The following CUL4A variants were observed in gnomAD, a reference collection of about 807,000 sequenced individuals.
CUL4A encodes the protein cullin 4A, also known as cullin-4A.
A neutral mutation model predicts 95.5 loss-of-function variants in CUL4A; 16 were observed. That is an observed-to-expected ratio of 0.17 (90% CI 0.11 to 0.25). The LOEUF (loss-of-function observed/expected upper bound fraction) is 0.25. CUL4A is among the 10% of genes least tolerant of loss of function. The pLI is 1.00. For synonymous variants in CUL4A, 380 were observed against 353.1 expected (o/e 1.08, Z -0.85); for missense variants, 610 against 937.0 (o/e 0.65, Z 4.56).
upstream of CUL4A, chr13:113,208,572 G>T: frequency 6.2e-7 from 1 of 1,605,154 alleles, no homozygotes; most frequent in South Asian, 1.1e-5. Flanking sequence ...CAACCACGCC[G>T]CCGCGCGCTC....
chr13:113,232,420 A>G (rs1055465163), intron 5 of CUL4A, among the ~76,000 whole-genome samples: 2 of 151,712 alleles, frequency 1.3e-5, no homozygotes, highest in African/African-American at 2.4e-5. Flanking sequence ...CACTATTACT[A>G]TTACTGCCAC....
rs1296711410 is a variant in CUL4A, at chr13:113,228,048, A to G, written c.438+3A>G. The G allele has an allele frequency of 1.9e-6, 3 of 1,610,324 alleles. No homozygotes were observed. Among genetic ancestry groups the G allele is most frequent in the Non-Finnish European group, 2.5e-6 (3 of 1,176,626 alleles). ...GGCAGGACCACTGCAGACAAATGGT[A>G]AGCTTGTTCACTTTTTCATCAAAAC... is the stretch of plus-strand genomic sequence containing the variant. On this transcript the variant is annotated splice_donor_region_variant and intron_variant, in intron 4 of 19. Transcript: ENST00000375440.
In CUL4A at chr13:113,235,158, T is replaced by A. The variant is rs190234518; in HGVS notation, c.848+13T>A. 268 of 1,586,528 alleles carry A rather than the reference T, an allele frequency of 1.7e-4. No individual in the cohort carries two copies. The highest frequency in any genetic ancestry group is 4.4e-4 in the Admixed American group (26 of 59,062). On this transcript the variant is annotated intron_variant, in intron 8 of 19. Coordinates refer to ENST00000375440, the MANE Select transcript of CUL4A (RefSeq NM_001008895.4). Reference sequence around the variant, plus strand: ...ACCACAGCACACAGTAAGTACCGTTTGCTCGCTGAGCGTTCGTATCTTCAC... The same window carrying A: ...ACCACAGCACACAGTAAGTACCGTTAGCTCGCTGAGCGTTCGTATCTTCAC...
rs1176252764 is a variant in CUL4A, at chr13:113,263,998, C to G, written c.*416C>G. ...TTAGCTCTGAAGATTCCTTAGGTAT[C>G]CCTGAAGACAGCTCGCTCAGATGAT... On this transcript the variant is annotated 3_prime_UTR_variant, in exon 20 of 20. Transcript: ENST00000375440. 1.3e-5 allele frequency: 2 copies of G among 154,492 alleles called. No homozygotes were observed. The highest frequency in any genetic ancestry group is 1.3e-4 in the Admixed American group (2 of 15,314). The allele number at this position is 154,492 out of a possible 1,614,324, so 9.6% of individuals were successfully genotyped here.
intron 19 of CUL4A, among the ~76,000 whole-genome samples, chr13:113,261,353 C>T (rs968400474): frequency 2.0e-5 from 3 of 152,118 alleles, no homozygotes; most frequent in South Asian, 2.1e-4. Context: ...GGGACAGGAC[C>T]GGCCACACGT....
chr13:113,210,924 T>A (rs2040408841), intron 2 of CUL4A, among the ~76,000 whole-genome samples: 1 of 152,234 alleles, frequency 6.6e-6, no homozygotes, highest in South Asian at 2.1e-4. Flanking sequence ...TGTACATACA[T>A]CCATTCTTTG....
At chr13:113,231,936 C>T (rs909256405) in intron 5 of CUL4A, among the ~76,000 whole-genome samples, 22 of 152,066 alleles carry the variant, frequency 1.4e-4, no homozygotes, top group Middle Eastern at 3.4e-3. Flanking sequence ...CCCACCACTG[C>T]GGCTGCTGCC....
intron 11 of CUL4A, among the ~76,000 whole-genome samples, chr13:113,243,493 A>T (rs1341067504): frequency 6.6e-6 from 1 of 152,176 alleles, no homozygotes; most frequent in Non-Finnish European, 1.5e-5. Flanking sequence ...ACCAGATGAG[A>T]TCTCAAATGA....
At chr13:113,209,799 G>A in intron 1 of CUL4A, 24 bp downstream of exon 1, 1 of 1,177,014 alleles carries the variant, frequency 8.5e-7, no homozygotes, top group Non-Finnish European at 1.0e-6. Flanking sequence ...CCGGGTCGAG[G>A]GCCAGGCGCC....
intron 2 of CUL4A, among the ~76,000 whole-genome samples, chr13:113,210,561 G>A (rs1160096277): frequency 6.6e-6 from 1 of 152,208 alleles, no homozygotes; most frequent in Non-Finnish European, 1.5e-5. Context: ...TTTGTGATTA[G>A]TGGTTGCCTT....
chr13:113,254,550 G>A, intron 16 of CUL4A, 143 bp from the exon 17 acceptor site: 2 of 555,014 alleles, frequency 3.6e-6, no homozygotes, highest in Non-Finnish European at 6.3e-6. Flanking sequence ...AGCTGAGATT[G>A]TGCCACTGCA....
chr13:113,234,069 T>G, intron 7 of CUL4A, 83 bp downstream of exon 7: 1 of 745,912 alleles, frequency 1.3e-6, no homozygotes, highest in Admixed American at 2.6e-5. Context: ...TGTTTGCCTT[T>G]TCACACACAT....
intron 11 of CUL4A, among the ~76,000 whole-genome samples, chr13:113,243,916 T>C (rs1370256024): frequency 1.3e-5 from 2 of 152,200 alleles, no homozygotes; most frequent in African/African-American, 4.8e-5. Context: ...ATGGGGACTT[T>C]GGTCCTCCCT....
chr13:113,212,825 G>A (rs935827994), intron 2 of CUL4A, among the ~76,000 whole-genome samples: 7 of 152,146 alleles, frequency 4.6e-5, no homozygotes, highest in African/African-American at 1.4e-4. Context: ...TGTTTTCCCT[G>A]CAAATGTCCA....
rs149939070 is a variant in CUL4A at position 113,260,729 on chromosome 13, A to G, written c.2154A>G (p.Glu718=). 2 of 1,598,428 alleles carry G rather than the reference A, an allele frequency of 1.3e-6. No individual in the cohort carries two copies. The highest frequency in any genetic ancestry group is 1.3e-5 in the African/African-American group (1 of 74,238). ...TTGGTCATAATCTTCTAGTTTCTGA[A>G]TTATATAATCAGCTGAAATTTCCAG... ...KTLGHNLLVS[E]LYNQLKFPVK... is the part of the protein sequence containing the mutation. Residue 718 remains glutamate, a synonymous_variant, in exon 19 of 20, where the codon GAA becomes GAG. Coordinates refer to ENST00000375440, the MANE Select transcript of CUL4A (RefSeq NM_001008895.4).
intron 2 of CUL4A, among the ~76,000 whole-genome samples, chr13:113,217,260 G>C (rs938950746): frequency 6.6e-6 from 1 of 152,162 alleles, no homozygotes; most frequent in Non-Finnish European, 1.5e-5. Context: ...AGTTCTCTTG[G>C]TTGTTTGAGG....
At position 113,224,090 on chromosome 13, in the gene CUL4A, C is replaced by T. The variant is rs537433789; in HGVS notation, c.369-3886C>T. 1.2e-4 allele frequency among the ~76,000 whole-genome samples: 19 copies of T among 152,326 alleles called. No individual in the cohort carries two copies. In the East Asian group the frequency reaches 1.9e-3, roughly 15 times the overall value. On this transcript the variant is annotated intron_variant, in intron 3 of 19. Coordinates refer to ENST00000375440, the MANE Select transcript of CUL4A (RefSeq NM_001008895.4). The stretch of plus-strand genomic sequence containing the variant: ...CAAGCCCGCAGAGTGCGGTGGCTCA[C>T]GCCTGTAATCCCAGTACTTTGGGAG...
At chr13:113,232,874 G>A (rs1333152641) in intron 5 of CUL4A, among the ~76,000 whole-genome samples, 1 of 152,136 alleles carries the variant, frequency 6.6e-6, no homozygotes, top group Non-Finnish European at 1.5e-5. Flanking sequence ...CGCTCAGCAG[G>A]AAGGTGGCGA....
upstream of CUL4A, chr13:113,208,651 G>A (rs772849316): frequency 4.4e-6 from 7 of 1,604,644 alleles, no homozygotes; most frequent in South Asian, 1.1e-5. Context: ...GCCGCCGAAC[G>A]GAGAGCGCCA....
Sources: allele counts gnomAD v4.1 joint callset (sites outside exome capture counted in the v4.1 genomes callset), GRCh38; gene constraint gnomAD v4.1.1; transcripts MANE v1.5; gene names NCBI Gene and HGNC (gene_info 2026-07-23, HGNC 2026-07-21).